The following TACC2 variants were observed in gnomAD, a reference collection of about 807,000 sequenced individuals.
TACC2 encodes the protein transforming acidic coiled-coil containing protein 2.
In TACC2, 137 loss-of-function variants were observed where a neutral mutation model predicts 227.3. The ratio of observed to expected loss-of-function variants is 0.60; its 90% CI spans 0.52 to 0.69. TACC2 has a LOEUF of 0.69. Among genes scored for constraint, TACC2 ranks in the 30% least tolerant of loss-of-function variants. TACC2 has a pLI of 0.00. For missense variants in TACC2, 3,470 were observed against 3,694.4 expected (o/e 0.94, Z 1.57); for synonymous variants, 1,523 against 1,487.5 (o/e 1.02, Z -0.55).
chr10:122,036,096 C>G (rs2459069), intron 2 of TACC2, among the ~76,000 whole-genome samples: 125,942 of 152,144 alleles, frequency 0.83, 52,167 homozygotes, highest in Middle Eastern at 0.87. Context: ...GCGTAATGCC[C>G]TCAAGGTTCA....
At chr10:122,238,493 G>C (rs2095906955) in intron 18 of TACC2, among the ~76,000 whole-genome samples, 1 of 152,098 alleles carries the variant, frequency 6.6e-6, no homozygotes. Context: ...TGTTGCCCAG[G>C]CTGGAGTGCA....
At chr10:122,069,247 T>TA (rs200202523) in intron 3 of TACC2, among the ~76,000 whole-genome samples, 51 of 150,676 alleles carry the variant, frequency 3.4e-4, no homozygotes, top group South Asian at 2.5e-3. Flanking sequence ...TTTATTTATT[T>TA]TTTTTTTTTT....
intron 22 of TACC2, 48 bp downstream of exon 22, chr10:122,249,712 CTG>C: frequency 6.4e-7 from 1 of 1,574,390 alleles, no homozygotes; most frequent in South Asian, 1.2e-5. Flanking sequence ...CTGCTGCTCT[CTG>C]TGCTGCTGGC....
Position 122,211,570 on chromosome 10 carries a change from A to C in TACC2, c.7145A>C (p.Lys2382Thr). The change falls in exon 9 of 23, where the codon AAG becomes ACG. Residue 2382 changes from lysine (K) to threonine (T), a missense_variant. Lys to Thr is a moderately conservative substitution (Grantham distance 78). Coordinates refer to ENST00000369005, the MANE Select transcript of TACC2 (RefSeq NM_206862.4). ...TGTGATGAGTCCGTTGACCCCTTTA[A>C]GACATCCTCTAAGACCCCCAGCTCA... The part of the protein sequence containing the change: ...DTCDESVDPF[K>T]TSSKTPSSPS... 1.2e-6 allele frequency: 2 copies of C among 1,614,072 alleles called. No individual in the cohort carries two copies. The highest frequency in any genetic ancestry group is 1.7e-6 in the Non-Finnish European group (2 of 1,180,018).
At chr10:122,136,521 GTGTA>G (rs1230862804) in intron 6 of TACC2, among the ~76,000 whole-genome samples, 2 of 130,232 alleles carry the variant, frequency 1.5e-5, no homozygotes, top group East Asian at 4.0e-4. Flanking sequence ...ATATATATGT[GTGTA>G]TGTATGTTTG....
intron 16 of TACC2, 122 bp from the exon 17 acceptor site, chr10:122,237,273 A>G (rs2095875004): frequency 1.0e-6 from 1 of 964,368 alleles, no homozygotes; most frequent in Admixed American, 2.9e-5. Flanking sequence ...ACTTTCTCAT[A>G]CTTTTGATGT....
At chr10:122,131,478 C>T (rs1352355853) in intron 5 of TACC2, among the ~76,000 whole-genome samples, 1 of 152,194 alleles carries the variant, frequency 6.6e-6, no homozygotes, top group Non-Finnish European at 1.5e-5. Context: ...GTTGCAGACT[C>T]TTTCAGTCCA....
chr10:122,070,186 C>T (rs536482706), intron 3 of TACC2, among the ~76,000 whole-genome samples: 7 of 152,296 alleles, frequency 4.6e-5, no homozygotes, highest in Admixed American at 4.6e-4. Context: ...ACATCTTATG[C>T]GTCAGAGAAT....
At chr10:122,069,816 A>G (rs1415068094) in intron 3 of TACC2, among the ~76,000 whole-genome samples, 1 of 152,168 alleles carries the variant, frequency 6.6e-6, no homozygotes, top group Non-Finnish European at 1.5e-5. Context: ...CCGCGGGCAA[A>G]GTTGTTTCTC....
chr10:122,085,949 C>T lies in TACC2; in HGVS notation c.3449C>T (p.Pro1150Leu), dbSNP rs1418645005. Reference sequence around the variant, plus strand: ...GGAAAGCAGCAGGCTCCGGAGAAACCTGGAGAAGCTACTTTGAGTTGTGGC... The same window carrying T: ...GGAAAGCAGCAGGCTCCGGAGAAACTTGGAGAAGCTACTTTGAGTTGTGGC... ...DPGKQQAPEKPGEATLSCGLL... is the reference protein window; with the variant it reads ...DPGKQQAPEKLGEATLSCGLL... The change falls in exon 4 of 23, where the codon CCT (proline) becomes CTT (leucine). Residue 1150 changes from proline (P) to leucine (L), a missense_variant. Around this residue, in one of 10 missense-constraint regions of TACC2, gnomAD observed 1,924 missense variants for 1,978.3 expected, o/e 0.97. Coordinates refer to ENST00000369005, the MANE Select transcript of TACC2 (RefSeq NM_206862.4). The T allele has an allele frequency of 2.5e-6, 4 of 1,613,672 alleles. No homozygotes were observed. The highest frequency in any genetic ancestry group is 3.4e-6 in the Non-Finnish European group (4 of 1,179,780).
At chr10:122,215,488 C>G (rs369779428) in intron 10 of TACC2, 37 bp downstream of exon 10, 2 of 1,580,816 alleles carry the variant, frequency 1.3e-6, no homozygotes, top group African/African-American at 1.3e-5. Context: ...TTTTATGCCC[C>G]CCCCGGGGGA....
intron 22 of TACC2, among the ~76,000 whole-genome samples, chr10:122,252,444 G>A (rs2096270271): frequency 6.6e-6 from 1 of 151,826 alleles, no homozygotes; most frequent in Admixed American, 6.6e-5. Context: ...GAAGATCACC[G>A]TTAGCAGCCC....
intron 11 of TACC2, among the ~76,000 whole-genome samples, chr10:122,220,607 G>C (rs554907331): frequency 6.6e-6 from 1 of 152,220 alleles, no homozygotes. Context: ...GAAAGAATCC[G>C]TGTGGGGCGG....
At chr10:122,203,620 C>A (rs540000067) in intron 8 of TACC2, among the ~76,000 whole-genome samples, 2 of 151,762 alleles carry the variant, frequency 1.3e-5, no homozygotes, top group African/African-American at 4.8e-5. Context: ...CAGAGACGCT[C>A]CTCACTTCCC....
chr10:122,004,184 G>A (rs1055050941), intron 1 of TACC2, among the ~76,000 whole-genome samples: 25 of 151,930 alleles, frequency 1.6e-4, no homozygotes, highest in Admixed American at 3.9e-4. Context: ...GATCACCTAA[G>A]GTCAGGAGTT....
At chr10:122,149,271 C>T (rs1178057844) in intron 7 of TACC2, among the ~76,000 whole-genome samples, 1 of 152,170 alleles carries the variant, frequency 6.6e-6, no homozygotes, top group Non-Finnish European at 1.5e-5. Context: ...ACAGCTGTCC[C>T]CTAGGAATTG....
chr10:122,178,380 G>A (rs2093823984), intron 7 of TACC2, among the ~76,000 whole-genome samples: 1 of 151,722 alleles, frequency 6.6e-6, no homozygotes, highest in African/African-American at 2.4e-5. Flanking sequence ...GGGATCACAG[G>A]CACACACCAC....
chr10:122,021,285 G>A (rs10887047), intron 1 of TACC2, among the ~76,000 whole-genome samples: 9,556 of 151,406 alleles, frequency 0.063, 409 homozygotes, highest in African/African-American at 0.11. Context: ...CACTAAGTGA[G>A]CTCATGAAAT....
intron 2 of TACC2, among the ~76,000 whole-genome samples, chr10:122,044,448 T>C (rs1431577479): frequency 6.6e-6 from 1 of 152,256 alleles, no homozygotes; most frequent in African/African-American, 2.4e-5. Context: ...TTGGTCAGCC[T>C]GGCAGTTGTT....
Sources: allele counts gnomAD v4.1 joint callset (sites outside exome capture counted in the v4.1 genomes callset), GRCh38; gene constraint gnomAD v4.1.1; regional missense constraint gnomAD v4.1.1; transcripts MANE v1.5; gene names NCBI Gene and HGNC (gene_info 2026-07-23, HGNC 2026-07-21).